RNF13: variants seen among roughly 807,000 people sequenced by gnomAD.
The protein encoded by RNF13 is ring finger protein 13, also known as E3 ubiquitin-protein ligase RNF13.
A neutral mutation model predicts 37.7 loss-of-function variants in RNF13; 19 were observed. The observed-to-expected ratio is 0.50, with a 90% CI of 0.35 to 0.74. RNF13 has a LOEUF of 0.74. RNF13 is among the 30% of genes least tolerant of loss of function. The pLI, the probability that RNF13 is intolerant of heterozygous loss-of-function variation, is 0.01. For synonymous variants in RNF13, 144 were observed against 157.8 expected (o/e 0.91, Z 0.65); for missense variants, 375 against 453.0 (o/e 0.83, Z 1.56).
chr3:149,814,560 T>C (rs1719227078), intron 1 of RNF13, among the ~76,000 whole-genome samples: 1 of 152,154 alleles, frequency 6.6e-6, no homozygotes, highest in African/African-American at 2.4e-5. Context: ...TACATTGACA[T>C]AAGCTTTATA....
intron 1 of RNF13, among the ~76,000 whole-genome samples, chr3:149,828,003 T>G (rs1720675493): frequency 6.6e-6 from 1 of 152,126 alleles, no homozygotes; most frequent in Non-Finnish European, 1.5e-5. Context: ...TGCTGTAACT[T>G]GATCTGGTGC....
Position 149,958,151 on chromosome 3 carries a change from CTATT to C in RNF13, c.701-1899_701-1896del, listed in dbSNP as rs765083440. ...ACCCAAATATACCTGTATTAGTTTCCTATTTATTTGATAACAAATCAACAAAAGC... is the reference window on the plus strand; with the variant it reads ...ACCCAAATATACCTGTATTAGTTTCCTATTTGATAACAAATCAACAAAAGC... On this transcript the variant is annotated intron_variant, in intron 8 of 9. Transcript: ENST00000392894. Among the ~76,000 whole-genome samples the C allele has an allele frequency of 4.6e-5, 7 of 152,282 alleles. No individual in the cohort carries two copies. In the South Asian group the frequency reaches 8.3e-4, roughly 18 times the overall value.
At chr3:149,846,192 T>C in intron 2 of RNF13, 52 bp downstream of exon 2, 1 of 1,201,980 alleles carries the variant, frequency 8.3e-7, no homozygotes. Context: ...AAAGAAAAGC[T>C]TAAAAAAAGC....
chr3:149,818,637 G>A (rs1719706619), intron 1 of RNF13, among the ~76,000 whole-genome samples: 1 of 152,180 alleles, frequency 6.6e-6, no homozygotes, highest in Non-Finnish European at 1.5e-5. Flanking sequence ...ATCCGGCTGG[G>A]CACTGTGGCT....
At chr3:149,903,205 A>G (rs961446565) in intron 6 of RNF13, among the ~76,000 whole-genome samples, 4 of 152,092 alleles carry the variant, frequency 2.6e-5, no homozygotes, top group Admixed American at 2.0e-4. Flanking sequence ...TGGAAGTTGT[A>G]TCAAAAAACA....
Position 149,879,517 on chromosome 3 carries a change from A to G in RNF13, c.321+7363A>G, listed in dbSNP as rs571475706. ...GAGAGGGGGTCTTGTTATGTTGCTCAGACTGGTCTCAAACTCCTGGGCTCA... is the reference window on the plus strand; with the variant it reads ...GAGAGGGGGTCTTGTTATGTTGCTCGGACTGGTCTCAAACTCCTGGGCTCA... On this transcript the variant is annotated intron_variant, in intron 4 of 9. Coordinates refer to ENST00000392894, the MANE Select transcript of RNF13 (RefSeq NM_183381.3). Among the ~76,000 whole-genome samples, 5 of 152,094 alleles carry G rather than the reference A, an allele frequency of 3.3e-5. No individual in the cohort carries two copies. The East Asian group carries it at 9.7e-4, about 29-fold the overall frequency.
chr3:149,943,474 TC>T (rs1451438492), intron 8 of RNF13, among the ~76,000 whole-genome samples: 1 of 152,172 alleles, frequency 6.6e-6, no homozygotes, highest in East Asian at 1.9e-4. Context: ...ATTATCAACA[TC>T]CTGCACCAGA....
chr3:149,870,182 A>C (rs184598490), intron 3 of RNF13, among the ~76,000 whole-genome samples: 94 of 151,868 alleles, frequency 6.2e-4, no homozygotes, highest in African/African-American at 2.1e-3. Flanking sequence ...GGAAGGGACA[A>C]ATCTCCTCCT....
chr3:149,881,528 A>G (rs1470973921), intron 4 of RNF13, among the ~76,000 whole-genome samples: 1 of 152,042 alleles, frequency 6.6e-6, no homozygotes, highest in African/African-American at 2.4e-5. Context: ...ATGGGGTTTC[A>G]CCACGTTGTC....
chr3:149,872,783 A>G (rs1712226442), intron 4 of RNF13, among the ~76,000 whole-genome samples: 1 of 152,212 alleles, frequency 6.6e-6, no homozygotes, highest in Non-Finnish European at 1.5e-5. Flanking sequence ...CTATTATTTC[A>G]TGTCACTTGG....
chr3:149,883,990 C>T (rs766568839), intron 4 of RNF13, among the ~76,000 whole-genome samples: 15 of 152,110 alleles, frequency 9.9e-5, no homozygotes, highest in Non-Finnish European at 1.5e-4. Context: ...CCAAGGATAA[C>T]GGCATCCAGC....
intron 8 of RNF13, among the ~76,000 whole-genome samples, chr3:149,945,764 T>C (rs1449641347): frequency 6.6e-6 from 1 of 152,198 alleles, no homozygotes; most frequent in African/African-American, 2.4e-5. Flanking sequence ...TTCAGCCATA[T>C]TCGCTGTACT....
intron 4 of RNF13, among the ~76,000 whole-genome samples, chr3:149,878,916 C>T (rs979122454): frequency 9.2e-5 from 14 of 152,304 alleles, no homozygotes; most frequent in African/African-American, 3.1e-4. Context: ...CTCCAGAGAA[C>T]TTTTCCATTT....
chr3:149,892,693 T>C (rs150330393), intron 4 of RNF13, among the ~76,000 whole-genome samples: 3 of 152,234 alleles, frequency 2.0e-5, no homozygotes, highest in Non-Finnish European at 4.4e-5. Flanking sequence ...GGGACCTAGG[T>C]TGCACACTTC....
At chr3:149,901,210 C>A (rs1440556198) in intron 5 of RNF13, among the ~76,000 whole-genome samples, 2 of 152,038 alleles carry the variant, frequency 1.3e-5, no homozygotes, top group African/African-American at 4.8e-5. Context: ...TTGCCTCCCC[C>A]CCTTTTAAAT....
At chr3:149,813,809 C>G (rs1290170700) in intron 1 of RNF13, 1 of 152,434 alleles carries the variant, frequency 6.6e-6, no homozygotes, top group African/African-American at 2.4e-5. Flanking sequence ...CCTGGAAGCT[C>G]AGATTGCAGG....
intron 1 of RNF13, among the ~76,000 whole-genome samples, chr3:149,832,721 A>G (rs1004882377): frequency 5.3e-5 from 8 of 152,200 alleles, no homozygotes; most frequent in Admixed American, 5.2e-4. Context: ...AATTTTATAG[A>G]AATAAAAAGG....
chr3:149,827,590 C>T (rs530230230), intron 1 of RNF13, among the ~76,000 whole-genome samples: 1 of 151,914 alleles, frequency 6.6e-6, no homozygotes, highest in Non-Finnish European at 1.5e-5. Flanking sequence ...AATAAAGATT[C>T]CTGTCTTTGA....
intron 1 of RNF13, among the ~76,000 whole-genome samples, chr3:149,839,585 A>G (rs1721959501): frequency 3.4e-5 from 3 of 88,714 alleles, no homozygotes; most frequent in South Asian, 4.5e-4. Context: ...TTATAAAACC[A>G]TCAGTTCACA....
Sources: allele counts gnomAD v4.1 joint callset (sites outside exome capture counted in the v4.1 genomes callset), GRCh38; gene constraint gnomAD v4.1.1; transcripts MANE v1.5; gene names NCBI Gene and HGNC (gene_info 2026-07-23, HGNC 2026-07-21).